The following DNAAF9 variants were observed in gnomAD, a reference collection of about 807,000 sequenced individuals.
DNAAF9 encodes the protein dynein axonemal assembly factor 9.
DNAAF9 carries 90 observed loss-of-function variants against 167.0 expected under a neutral mutation model. That is an observed-to-expected ratio of 0.54 (90% CI 0.45 to 0.64). DNAAF9 has a LOEUF of 0.64. DNAAF9 is among the 30% of genes least tolerant of loss of function. The pLI, the probability that DNAAF9 is intolerant of heterozygous loss-of-function variation, is 0.00. For missense variants in DNAAF9, 1,315 were observed against 1,442.2 expected (o/e 0.91, Z 1.43); for synonymous variants, 491 against 508.8 (o/e 0.96, Z 0.47).
Position 3,281,770 on chromosome 20 carries a change from G to C in DNAAF9, c.2487-4C>G. 2.5e-6 allele frequency: 4 copies of C among 1,606,242 alleles called. No homozygotes were observed. Among genetic ancestry groups the C allele is most frequent in the Non-Finnish European group, 3.4e-6 (4 of 1,177,060 alleles). The stretch of plus-strand genomic sequence containing the variant: ...AACATCAATAACATCTGTGTAGCTG[G>C]GGAAGGTAAAAAAGGAATGATTAGT... On this transcript the variant is annotated splice_polypyrimidine_tract_variant and splice_region_variant and intron_variant, in intron 27 of 36. Transcript: ENST00000252032.
rs1413706022 is a variant in DNAAF9 at position 3,290,204 on chromosome 20, A to G, written c.2252T>C (p.Ile751Thr). 1 of 1,607,470 alleles carries G rather than the reference A, an allele frequency of 6.2e-7. No individual in the cohort carries two copies. The highest frequency in any genetic ancestry group is 8.5e-7 in the Non-Finnish European group (1 of 1,173,896). Reference sequence around the variant, plus strand: ...GTGACAGCCTGGGAGGCCGGTTACAATGCTGATAATTACCTACATGAAGAA... The same window carrying G: ...GTGACAGCCTGGGAGGCCGGTTACAGTGCTGATAATTACCTACATGAAGAA... Reference protein sequence around the residue: ...RIESDKVIISIVTGLPGCHAS... With the variant: ...RIESDKVIISTVTGLPGCHAS... The change falls in exon 26 of 37, where the codon ATT becomes ACT. Residue 751 changes from isoleucine (I) to threonine (T), a missense_variant. This residue lies in a region of DNAAF9 where 981 missense variants were observed against 1,012.5 expected (regional missense o/e 0.97). Transcript: ENST00000252032.
At chr20:3,264,099 G>C (rs570446570) in intron 31 of DNAAF9, among the ~76,000 whole-genome samples, 9 of 152,370 alleles carry the variant, frequency 5.9e-5, no homozygotes, top group African/African-American at 2.2e-4. Flanking sequence ...TCAGAAGCGA[G>C]TCTCACCTGG....
intron 9 of DNAAF9, among the ~76,000 whole-genome samples, chr20:3,341,814 G>A (rs2070091457): frequency 6.6e-6 from 1 of 151,980 alleles, no homozygotes; most frequent in South Asian, 2.1e-4. Context: ...GTCTTGCTCT[G>A]TCGCCCAGGC....
At chr20:3,289,389 G>A (rs2068909371) in intron 26 of DNAAF9, among the ~76,000 whole-genome samples, 1 of 152,130 alleles carries the variant, frequency 6.6e-6, no homozygotes, top group South Asian at 2.1e-4. Context: ...GGTTACAGGT[G>A]AACTATGATC....
chr20:3,296,940 G>C lies in DNAAF9; in HGVS notation c.1939C>G (p.Leu647Val). Reference protein sequence around the residue: ...YQAFYSEVFSLWKQQDNSGIS... With the variant: ...YQAFYSEVFSVWKQQDNSGIS... The stretch of plus-strand genomic sequence containing the variant: ...CCTGAGTTATCCTGCTGTTTCCAGA[G>C]GGAGAAGACCTAAACAAAACAGAAT... The change falls in exon 23 of 37, where the codon CTC becomes GTC. Residue 647 changes from leucine (L) to valine (V), a missense_variant. Transcript: ENST00000252032. 1.9e-6 allele frequency: 3 copies of C among 1,602,240 alleles called. No individual in the cohort carries two copies. Among genetic ancestry groups the C allele is most frequent in the Non-Finnish European group, 2.6e-6 (3 of 1,169,286 alleles).
Position 3,297,955 on chromosome 20 carries a change from T to C in DNAAF9, c.1929+74A>G, listed in dbSNP as rs1052422412. ...CATCACTTCACTGTTAGCCCCAAAA[T>C]GATGCCTTACCATTTAAATTGCTAG... On this transcript the variant is annotated intron_variant, in intron 22 of 36. Coordinates refer to ENST00000252032, the MANE Select transcript of DNAAF9 (RefSeq NM_001009984.3). 1.2e-5 allele frequency: 14 copies of C among 1,198,392 alleles called. No individual in the cohort carries two copies. The African/African-American group carries it at 2.1e-4, about 18-fold the overall frequency. 74.2% of individuals were successfully genotyped at this position (1,198,392 alleles called of 1,614,324 possible).
intron 23 of DNAAF9, chr20:3,296,635 C>G: frequency 2.0e-6 from 1 of 499,952 alleles, no homozygotes; most frequent in Non-Finnish European, 3.5e-6. Context: ...CCTGCCTCAG[C>G]CTCCCAAAGT....
At chr20:3,377,391 G>A (rs1223538712) in intron 3 of DNAAF9, among the ~76,000 whole-genome samples, 1 of 152,108 alleles carries the variant, frequency 6.6e-6, no homozygotes, top group African/African-American at 2.4e-5. Context: ...ATTTCTTTCA[G>A]GGTCTGCTAT....
intron 7 of DNAAF9, among the ~76,000 whole-genome samples, chr20:3,352,846 T>TTATAAATATA (rs1555795387): frequency 4.1e-5 from 6 of 146,706 alleles, no homozygotes; most frequent in Non-Finnish European, 9.0e-5. Flanking sequence ...TTCAAAATAT[T>TTATAAATATA]TATATATATA....
chr20:3,261,186 T>C (rs1436769138), intron 31 of DNAAF9, among the ~76,000 whole-genome samples: 6 of 151,486 alleles, frequency 4.0e-5, no homozygotes, highest in African/African-American at 9.7e-5. Context: ...CTACGACACA[T>C]GCCACCATGC....
chr20:3,318,328 C>G lies in DNAAF9; in HGVS notation c.1429G>C (p.Glu477Gln). The change falls in exon 17 of 37, where the codon GAA (glutamate) becomes CAA (glutamine). Residue 477 changes from glutamate (E) to glutamine (Q), a missense_variant. Glu to Gln is a conservative substitution (Grantham distance 29). Coordinates refer to ENST00000252032, the MANE Select transcript of DNAAF9 (RefSeq NM_001009984.3). The part of the protein sequence containing the change: ...NGCLGSVVFS[E>Q]SFLTSQILVK... Reference sequence around the variant, plus strand: ...AAGATCTGAGAAGTCAAAAATGATTCAGAGAAAACCACAGATCCTAAACAA... The same window carrying G: ...AAGATCTGAGAAGTCAAAAATGATTGAGAGAAAACCACAGATCCTAAACAA... 6.3e-7 allele frequency: 1 copy of G among 1,591,876 alleles called. No homozygotes were observed. The highest frequency in any genetic ancestry group is 8.6e-7 in the Non-Finnish European group (1 of 1,162,368).
chr20:3,305,949 C>T (rs2069284423), intron 20 of DNAAF9, among the ~76,000 whole-genome samples: 1 of 152,158 alleles, frequency 6.6e-6, no homozygotes, highest in Admixed American at 6.5e-5. Flanking sequence ...AATCATGCCC[C>T]AGCCTCATCC....
intron 6 of DNAAF9, among the ~76,000 whole-genome samples, chr20:3,365,732 A>G (rs1055999646): frequency 1.3e-5 from 2 of 152,166 alleles, no homozygotes; most frequent in African/African-American, 4.8e-5. Flanking sequence ...TTTCAAAATT[A>G]GAGTCAATTC....
intron 12 of DNAAF9, among the ~76,000 whole-genome samples, chr20:3,329,604 C>G (rs148392073): frequency 1.3e-5 from 2 of 152,186 alleles, no homozygotes; most frequent in Non-Finnish European, 2.9e-5. Context: ...TTTGTGGGCC[C>G]TGCCCTAGAA....
At chr20:3,391,150 T>C (rs1199588311) in intron 1 of DNAAF9, among the ~76,000 whole-genome samples, 1 of 152,236 alleles carries the variant, frequency 6.6e-6, no homozygotes, top group Non-Finnish European at 1.5e-5. Flanking sequence ...AGATAAACAC[T>C]GTCCTAATTA....
At chr20:3,254,963 G>A (rs913204763) in intron 35 of DNAAF9, among the ~76,000 whole-genome samples, 1 of 152,172 alleles carries the variant, frequency 6.6e-6, no homozygotes, top group Non-Finnish European at 1.5e-5. Context: ...CAGGGCTTCT[G>A]GTCATCAGCT....
chr20:3,398,661 A>C (rs1408143969), intron 1 of DNAAF9, among the ~76,000 whole-genome samples: 1 of 152,232 alleles, frequency 6.6e-6, no homozygotes. Flanking sequence ...ATGTTTCACA[A>C]TAAAATGTTG....
At chr20:3,340,444 ACCCCAC>A in intron 10 of DNAAF9, 54 bp downstream of exon 10, 2 of 138,904 alleles carry the variant, frequency 1.4e-5, no homozygotes, top group Non-Finnish European at 3.1e-5. Flanking sequence ...CCCCCCACCC[ACCCCAC>A]CCCCACAACT....
At chr20:3,330,500 C>T (rs1273398378) in intron 12 of DNAAF9, 146 bp downstream of exon 12, 7 of 611,036 alleles carry the variant, frequency 1.1e-5, no homozygotes, top group Admixed American at 3.4e-5. Context: ...CCTCAGCTTC[C>T]GAAAATGTTG....
Sources: allele counts gnomAD v4.1 joint callset (sites outside exome capture counted in the v4.1 genomes callset), GRCh38; gene constraint gnomAD v4.1.1; regional missense constraint gnomAD v4.1.1; transcripts MANE v1.5; gene names NCBI Gene and HGNC (gene_info 2026-07-23, HGNC 2026-07-21).